The following KIRREL3 variants were observed in gnomAD, a reference collection of about 807,000 sequenced individuals.
The protein encoded by KIRREL3 is kirre like nephrin family adhesion molecule 3.
Under a neutral mutation model 89.7 loss-of-function variants are expected in KIRREL3, and 36 were observed. That is an observed-to-expected ratio of 0.40 (90% CI 0.31 to 0.53). KIRREL3 has a LOEUF of 0.53. Ranked by LOEUF, KIRREL3 falls within the 20% of genes least tolerant of loss-of-function variation. The probability of loss-of-function intolerance (pLI) is 0.49; values close to 1 mark genes in which losing one functional copy is unlikely to be tolerated. For synonymous variants in KIRREL3, 445 were observed against 441.4 expected, an observed-to-expected ratio of 1.01 and a Z score of -0.10; for missense variants, 864 against 1,056.6, an observed-to-expected ratio of 0.82 and a Z score of 2.53.
intron 1 of KIRREL3, among the ~76,000 whole-genome samples, chr11:126,801,623 C>T (rs1282672584): frequency 1.3e-5 from 2 of 152,186 alleles, no homozygotes; most frequent in Admixed American, 1.3e-4. Flanking sequence ...AGCTGTGGGA[C>T]CTTGGCCAGG....
At chr11:126,816,914 C>T (rs1271885061) in intron 1 of KIRREL3, among the ~76,000 whole-genome samples, 1 of 152,174 alleles carries the variant, frequency 6.6e-6, no homozygotes, top group Non-Finnish European at 1.5e-5. Flanking sequence ...TGCTTCTAAT[C>T]ATAGACTCAG....
At chr11:126,444,297 C>A (rs752535309) in intron 10 of KIRREL3, among the ~76,000 whole-genome samples, 15 of 152,232 alleles carry the variant, frequency 9.9e-5, no homozygotes, top group Non-Finnish European at 1.8e-4. Context: ...GACTCACACG[C>A]ATTGGGAAGA....
At position 126,520,949 on chromosome 11, in the gene KIRREL3, C is replaced by A. The variant is rs565257940; in HGVS notation, c.433+366G>T. Among the ~76,000 whole-genome samples, 1 of 152,172 alleles carries A rather than the reference C, an allele frequency of 6.6e-6. No homozygotes were observed. Among genetic ancestry groups the A allele is most frequent in the East Asian group, 1.9e-4 (1 of 5,172 alleles). ...GGGGGTCAGTTCAGAAAGAAGGGAC[C>A]CACAGCCTGTGCCACATTCTTCCTG... is the stretch of plus-strand genomic sequence containing the variant. On this transcript the variant is annotated intron_variant, in intron 4 of 16. Coordinates refer to ENST00000525144, the MANE Select transcript of KIRREL3 (RefSeq NM_032531.4). This position sits in a 1 kb window ranked among gnomAD's most constrained non-coding sequence, Gnocchi z 4.9.
intron 2 of KIRREL3, among the ~76,000 whole-genome samples, chr11:126,532,607 C>A (rs1023028064): frequency 5.9e-5 from 9 of 152,128 alleles, no homozygotes; most frequent in African/African-American, 2.2e-4. Flanking sequence ...AACTCCTGAC[C>A]TCAAGTGATC....
rs1396202486 is a variant in KIRREL3, at chr11:126,606,340, T to C, written c.56-43428A>G. On this transcript the variant is annotated intron_variant, in intron 1 of 16. Coordinates refer to ENST00000525144, the MANE Select transcript of KIRREL3 (RefSeq NM_032531.4). This position sits in a 1 kb window ranked among gnomAD's most constrained non-coding sequence, Gnocchi z 4.6. ...GCTGTGTCACTCTGGAGAATTTATG[T>C]AGTCTTTCTGTGTTTCAGTTTCCAA... Among the ~76,000 whole-genome samples the C allele has an allele frequency of 2.6e-5, 4 of 152,230 alleles. No individual in the cohort carries two copies. The highest frequency in any genetic ancestry group is 4.4e-5 in the Non-Finnish European group (3 of 68,046).
intron 1 of KIRREL3, among the ~76,000 whole-genome samples, chr11:126,774,705 T>C (rs1950120028): frequency 6.6e-6 from 1 of 152,050 alleles, no homozygotes; most frequent in Non-Finnish European, 1.5e-5. Context: ...TGAAAAAAAC[T>C]CTCCTTTGGA....
chr11:126,772,210 G>A lies in KIRREL3; in HGVS notation c.56-209298C>T, dbSNP rs76918066. Among the ~76,000 whole-genome samples, 22 of 152,330 alleles carry A rather than the reference G, an allele frequency of 1.4e-4. No homozygotes were observed. The East Asian group carries it at 3.7e-3, about 25-fold the overall frequency. On this transcript the variant is annotated intron_variant, in intron 1 of 16. Transcript: ENST00000525144. The surrounding 1 kb of genome is among the most constrained non-coding windows in gnomAD (Gnocchi z 4.6). Reference sequence around the variant, plus strand: ...TTCTCCAAGTGTTAGTTGGGAGGGAGGATGCACTACAAATCAGAAAGAACA... The same window carrying A: ...TTCTCCAAGTGTTAGTTGGGAGGGAAGATGCACTACAAATCAGAAAGAACA...
chr11:126,767,273 C>T (rs1352925848), intron 1 of KIRREL3, among the ~76,000 whole-genome samples: 2 of 152,168 alleles, frequency 1.3e-5, no homozygotes, highest in African/African-American at 4.8e-5. Context: ...GTGTTTTCTA[C>T]CAAATCTGAC....
chr11:126,624,985 C>A lies in KIRREL3; in HGVS notation c.56-62073G>T, dbSNP rs1943722334. ...CTGATTGTTGGATGGCATGGGCACG[C>A]TTCCCATTATGGAAGCTTGCTGGGC... On this transcript the variant is annotated intron_variant, in intron 1 of 16. Transcript: ENST00000525144. This position sits in a 1 kb window ranked among gnomAD's most constrained non-coding sequence, Gnocchi z 6.0. 6.6e-6 allele frequency among the ~76,000 whole-genome samples: 1 copy of A among 152,164 alleles called. No individual in the cohort carries two copies. The highest frequency in any genetic ancestry group is 1.5e-5 in the Non-Finnish European group (1 of 68,040).
chr11:126,446,148 CAAAA>C (rs56820180), intron 9 of KIRREL3, among the ~76,000 whole-genome samples: 2 of 83,230 alleles, frequency 2.4e-5, no homozygotes, highest in African/African-American at 4.9e-5. Context: ...AACTCCATCT[CAAAA>C]AAAAAAAAAA....
At position 126,680,397 on chromosome 11, in the gene KIRREL3, G is replaced by GATATATATAT. The variant is rs150251599; in HGVS notation, c.56-117495_56-117486dup. Among the ~76,000 whole-genome samples, 20 of 144,174 alleles carry GATATATATAT rather than the reference G, an allele frequency of 1.4e-4. No homozygotes were observed. The South Asian group carries it at 4.4e-3, about 31-fold the overall frequency. The allele number at this position is 144,174 out of a possible 152,430, so 94.6% of individuals were successfully genotyped here. A position where few individuals can be genotyped will look rare whatever the true frequency, so the allele number is the denominator to read the frequency against. On this transcript the variant is annotated intron_variant, in intron 1 of 16. Transcript: ENST00000525144. ...AATGCTCATCAACTCTTCTACTGGAGATATATATATATATATATACACATA... is the reference window on the plus strand; with the variant it reads ...AATGCTCATCAACTCTTCTACTGGAGATATATATATATATATATATATATATATACACATA...
chr11:126,538,661 TA>T (rs1353375909), intron 2 of KIRREL3, among the ~76,000 whole-genome samples: 1 of 152,172 alleles, frequency 6.6e-6, no homozygotes, highest in Admixed American at 6.5e-5. Flanking sequence ...GACTGACGGA[TA>T]AAAATGGATT....
intron 1 of KIRREL3, among the ~76,000 whole-genome samples, chr11:126,863,047 C>A (rs1287091247): frequency 6.6e-6 from 1 of 152,206 alleles, no homozygotes; most frequent in Non-Finnish European, 1.5e-5. Flanking sequence ...GGGACTGGCC[C>A]ACCCTTTCCT....
intron 4 of KIRREL3, among the ~76,000 whole-genome samples, chr11:126,511,071 G>GTA (rs1958204467): frequency 6.6e-6 from 1 of 151,932 alleles, no homozygotes; most frequent in African/African-American, 2.4e-5. Context: ...GTGTGTGTGT[G>GTA]TGTGTTGGAG....
chr11:126,532,427 G>A (rs927075924), intron 2 of KIRREL3, among the ~76,000 whole-genome samples: 1 of 152,130 alleles, frequency 6.6e-6, no homozygotes, highest in Non-Finnish European at 1.5e-5. Context: ...CCAGGATGGA[G>A]TGCAATGGTG....
rs773871632 is a variant in KIRREL3 at position 126,473,451 on chromosome 11, G to C, written c.449C>G (p.Pro150Arg). 1 of 1,559,838 alleles carries C rather than the reference G, an allele frequency of 6.4e-7. No homozygotes were observed. The highest frequency in any genetic ancestry group is 8.8e-7 in the Non-Finnish European group (1 of 1,141,692). Reference sequence around the variant, plus strand: ...GATCACAGGGCCCCCCAGGATGACGGGGTCATCAGGCGGCACTGCGGGGAG... The same window carrying C: ...GATCACAGGGCCCCCCAGGATGACGCGGTCATCAGGCGGCACTGCGGGGAG... ...RLTVLVPPDD[P>R]VILGGPVISL... Residue 150 changes from proline (P) to arginine (R), a missense_variant, in exon 5 of 17, where the codon CCC (proline) becomes CGC (arginine). Pro to Arg is a moderately radical substitution (Grantham distance 103). Coordinates refer to ENST00000525144, the MANE Select transcript of KIRREL3 (RefSeq NM_032531.4).
rs545285516 is a variant in KIRREL3, at chr11:126,527,272, T to A, written c.134-585A>T. Among the ~76,000 whole-genome samples the A allele has an allele frequency of 6.6e-6, 1 of 152,084 alleles. No homozygotes were observed. Among genetic ancestry groups the A allele is most frequent in the South Asian group, 2.1e-4 (1 of 4,816 alleles). On this transcript the variant is annotated intron_variant, in intron 2 of 16. Coordinates refer to ENST00000525144, the MANE Select transcript of KIRREL3 (RefSeq NM_032531.4). The surrounding 1 kb of genome is among the most constrained non-coding windows in gnomAD (Gnocchi z 4.2). ...GGAGGTGTGCTGAGGAGGCGTGCCA[T>A]CCTACCGTGTCCTCCCTGTCCCTTT...
rs536533398 is a variant in KIRREL3, at chr11:126,850,119, T to C, written c.55+150336A>G. Among the ~76,000 whole-genome samples the C allele has an allele frequency of 1.6e-4, 25 of 152,276 alleles. No homozygotes were observed. In the South Asian group the frequency reaches 5.2e-3, roughly 32 times the overall value. On this transcript the variant is annotated intron_variant, in intron 1 of 16. Coordinates refer to ENST00000525144, the MANE Select transcript of KIRREL3 (RefSeq NM_032531.4). ...CCTGTAATCTGGCACTGCCTGGGCC[T>C]GGGGTGAAGGAGTCAGAGTGAAACA...
At position 126,768,919 on chromosome 11, in the gene KIRREL3, A is replaced by T. The variant is rs1949932636; in HGVS notation, c.56-206007T>A. Reference sequence around the variant, plus strand: ...CTTCCCACATGCGTGGGAGCCGGTGAAGTGTTGTAAGCAGAGAAGTAACAT... The same window carrying T: ...CTTCCCACATGCGTGGGAGCCGGTGTAGTGTTGTAAGCAGAGAAGTAACAT... On this transcript the variant is annotated intron_variant, in intron 1 of 16. Transcript: ENST00000525144. The surrounding 1 kb of genome is among the most constrained non-coding windows in gnomAD (Gnocchi z 4.5). Among the ~76,000 whole-genome samples the T allele has an allele frequency of 6.6e-6, 1 of 152,218 alleles. No individual in the cohort carries two copies. Among genetic ancestry groups the T allele is most frequent in the African/African-American group, 2.4e-5 (1 of 41,462 alleles).
Sources: gnomAD v4.1 joint callset for allele counts (sites outside exome capture counted in the v4.1 genomes callset) on GRCh38, gnomAD v4.1.1 for gene constraint, Gnocchi (gnomAD v3.1) non-coding constraint, MANE v1.5 for transcripts, NCBI Gene and HGNC (gene_info 2026-07-23, HGNC 2026-07-21) for gene names.